FER: variants seen among roughly 807,000 people sequenced by gnomAD.
FER encodes tyrosine-protein kinase Fer.
A neutral mutation model predicts 111.0 loss-of-function variants in FER; 63 were observed. The observed-to-expected ratio is 0.57, with a 90% CI of 0.46 to 0.70. FER has a LOEUF of 0.70. Ranked by LOEUF, FER falls within the 30% of genes least tolerant of loss-of-function variation. The pLI, the probability that FER is intolerant of heterozygous loss-of-function variation, is 0.00. For missense variants in FER, 914 were observed against 954.0 expected, an observed-to-expected ratio of 0.96 and a Z score of 0.55; for synonymous variants, 327 against 313.9, an observed-to-expected ratio of 1.04 and a Z score of -0.44.
At chr5:108,792,779 G>T (rs920079602) in intron 2 of FER, among the ~76,000 whole-genome samples, 3 of 151,350 alleles carry the variant, frequency 2.0e-5, no homozygotes, top group Non-Finnish European at 4.4e-5. Flanking sequence ...TTCAATGATG[G>T]TATCTAGAAA....
At chr5:108,881,598 C>T (rs978602317) in intron 8 of FER, among the ~76,000 whole-genome samples, 1 of 152,092 alleles carries the variant, frequency 6.6e-6, no homozygotes, top group African/African-American at 2.4e-5. Flanking sequence ...GAAATGATTT[C>T]TCATAGATAT....
At chr5:108,781,856 A>T (rs1224379147) in intron 2 of FER, among the ~76,000 whole-genome samples, 2 of 152,144 alleles carry the variant, frequency 1.3e-5, no homozygotes, top group African/African-American at 2.4e-5. Flanking sequence ...CTTATTAAGA[A>T]CAGAATGTTC....
rs563154841 is a variant in FER at position 108,796,579 on chromosome 5, GC to G, written c.-59-1543del. On this transcript the variant is annotated intron_variant, in intron 2 of 19. Coordinates refer to ENST00000281092, the MANE Select transcript of FER (RefSeq NM_005246.4). ...ATTCTACAGCTAAACTGGCACTCAA[GC>G]CATGAGACAAAGTCTTTCCCGCTCT... Among the ~76,000 whole-genome samples the G allele has an allele frequency of 1.1e-4, 17 of 152,202 alleles. 1 individual carries two copies. The East Asian group carries it at 3.1e-3, about 28-fold the overall frequency.
chr5:109,035,284 T>C (rs1770219847), intron 13 of FER, among the ~76,000 whole-genome samples: 1 of 152,094 alleles, frequency 6.6e-6, no homozygotes, highest in African/African-American at 2.4e-5. Context: ...GTTGCTTCTT[T>C]CCCTTTTGCA....
At position 109,048,317 on chromosome 5, in the gene FER, AT is replaced by A. The variant is rs1192575290; in HGVS notation, c.1924+1121del. Among the ~76,000 whole-genome samples the A allele has an allele frequency of 7.2e-5, 11 of 152,298 alleles. No homozygotes were observed. The East Asian group carries it at 2.1e-3, about 29-fold the overall frequency. ...TCATCTTTATCCTCATTAAGATGGC[AT>A]TGTCTGTGTTAAGTACATTGTATGT... is the stretch of plus-strand genomic sequence containing the variant. On this transcript the variant is annotated intron_variant, in intron 16 of 19. Transcript: ENST00000281092.
At chr5:108,834,722 T>A (rs1486435545) in intron 4 of FER, among the ~76,000 whole-genome samples, 10 of 151,810 alleles carry the variant, frequency 6.6e-5, no homozygotes. Context: ...AAAAAAAGTT[T>A]GGTATCAGAC....
At chr5:109,009,202 A>C (rs1765913821) in intron 13 of FER, among the ~76,000 whole-genome samples, 1 of 151,502 alleles carries the variant, frequency 6.6e-6, no homozygotes, top group Admixed American at 6.6e-5. Context: ...TGCCTGGCTA[A>C]TTTTTATATT....
intron 1 of FER, among the ~76,000 whole-genome samples, chr5:108,766,669 C>T (rs1752357798): frequency 6.6e-6 from 1 of 151,988 alleles, no homozygotes. Context: ...TGTTTGCTGA[C>T]CAGAAGGAGA....
rs141813122 is a variant in FER at position 109,166,634 on chromosome 5, G to C, written c.2049-14113G>C. Among the ~76,000 whole-genome samples the C allele has an allele frequency of 2.4e-4, 37 of 152,254 alleles. No individual in the cohort carries two copies. In the East Asian group the frequency reaches 6.4e-3, roughly 26 times the overall value. ...ACAACTGTTTATTTCTTATTGTTCT[G>C]TCAGTTTGGGTCAACAGTTTGTGCT... is the stretch of plus-strand genomic sequence containing the variant. On this transcript the variant is annotated intron_variant, in intron 17 of 19. Transcript: ENST00000281092.
In FER at chr5:109,100,508, C is replaced by T; in HGVS notation, c.2037C>T (p.Asn679=). 6 of 1,610,202 alleles carry T rather than the reference C, an allele frequency of 3.7e-6. No individual in the cohort carries two copies. Among genetic ancestry groups the T allele is most frequent in the Non-Finnish European group, 5.1e-6 (6 of 1,177,490 alleles). The change falls in exon 17 of 20, where the codon AAC becomes AAT. Residue 679 remains asparagine (N), a synonymous_variant. Transcript: ENST00000281092. ...GTATGTTGTATCTCGAGAGTAAAAA[C>T]TGTATACACAGGTAAGGAGAACATT... The part of the protein sequence containing the change: ...AAGMLYLESK[N]CIHRDLAARN...
chr5:108,825,081 G>A (rs897188432), intron 3 of FER, among the ~76,000 whole-genome samples: 20 of 152,238 alleles, frequency 1.3e-4, no homozygotes, highest in African/African-American at 4.6e-4. Flanking sequence ...GAGGCAGGGC[G>A]AGATCACAGG....
intron 10 of FER, among the ~76,000 whole-genome samples, chr5:108,944,468 C>G (rs960841588): frequency 6.6e-6 from 1 of 152,024 alleles, no homozygotes; most frequent in East Asian, 1.9e-4. Context: ...GTATCACCAC[C>G]AGCCCTGCCA....
intron 3 of FER, among the ~76,000 whole-genome samples, chr5:108,822,820 C>T (rs185474300): frequency 6.8e-5 from 10 of 147,900 alleles, no homozygotes; most frequent in East Asian, 2.0e-4. Flanking sequence ...GACAGAGTCT[C>T]GTTCTGTCGC....
chr5:108,782,529 G>T (rs1335020595), intron 2 of FER: 1 of 152,026 alleles, frequency 6.6e-6, no homozygotes, highest in Non-Finnish European at 1.5e-5. Flanking sequence ...CAAATCTAAG[G>T]ACTCTGCCTA....
chr5:108,951,963 CT>C, intron 11 of FER, among the ~76,000 whole-genome samples: 1 of 152,040 alleles, frequency 6.6e-6, no homozygotes, highest in Non-Finnish European at 1.5e-5. Context: ...GTGCTGCCTC[CT>C]TATTGCCTTT....
rs141421536 is a variant in FER at position 108,781,189 on chromosome 5, G to GT, written c.-60+12958dup. 1.4e-3 allele frequency among the ~76,000 whole-genome samples: 217 copies of GT among 152,108 alleles called. 2 individuals carry two copies. The East Asian group carries it at 0.036, about 25-fold the overall frequency. ...TACTAGCTCTCTTTCTTCAGACTGTGTTTTTTTGTTTGTTTGTTTGAGATG... is the reference window on the plus strand; with the variant it reads ...TACTAGCTCTCTTTCTTCAGACTGTGTTTTTTTTGTTTGTTTGTTTGAGATG... On this transcript the variant is annotated intron_variant, in intron 2 of 19. Transcript: ENST00000281092.
chr5:109,047,775 G>C (rs1374515079), intron 16 of FER, among the ~76,000 whole-genome samples: 1 of 152,030 alleles, frequency 6.6e-6, no homozygotes, highest in African/African-American at 2.4e-5. Context: ...ATCTCACAAT[G>C]CTTTGAATCA....
rs1015947375 is a variant in FER at position 109,196,439 on chromosome 5, G to T, written c.*8864G>T. 1 of 152,150 alleles carries T rather than the reference G, an allele frequency of 6.6e-6. No individual in the cohort carries two copies. Among genetic ancestry groups the T allele is most frequent in the African/African-American group, 2.4e-5 (1 of 41,436 alleles). The allele number at this position is 152,150 out of a possible 1,614,324, so 9.4% of individuals were successfully genotyped here. On this transcript the variant is annotated 3_prime_UTR_variant, in exon 20 of 20. Coordinates refer to ENST00000281092, the MANE Select transcript of FER (RefSeq NM_005246.4). ...TTTAAGATAATGTATTTGTGAAGTG[G>T]ATAAACACTGGAAATAGGGTGCTTC...
chr5:108,820,543 T>G, intron 3 of FER: 1 of 985,202 alleles, frequency 1.0e-6, no homozygotes, highest in Non-Finnish European at 1.2e-6. Context: ...ATTTCTTAAT[T>G]TCTTTTCTGG....
Sources: allele counts gnomAD v4.1 joint callset (sites outside exome capture counted in the v4.1 genomes callset), GRCh38; gene constraint gnomAD v4.1.1; transcripts MANE v1.5; gene names NCBI Gene and HGNC (gene_info 2026-07-23, HGNC 2026-07-21).